OR6N1: variants seen among roughly 807,000 people sequenced by gnomAD.
The protein encoded by OR6N1 is olfactory receptor 6N1.
For missense variants in OR6N1, 394 were observed against 371.7 expected, an observed-to-expected ratio of 1.06 and a Z score of -0.49; for synonymous variants, 170 against 150.7, an observed-to-expected ratio of 1.13 and a Z score of -0.94.
At chr1:158,779,421 T>C in the OR6N1 span, among the ~76,000 whole-genome samples, 24 of 152,340 alleles carry the variant, frequency 1.6e-4, no homozygotes, top group African/African-American at 5.5e-4. Flanking sequence ...AAGATATTAA[T>C]AACCAAACGA....
At chr1:158,805,399 CTT>C in the OR6N1 span, among the ~76,000 whole-genome samples, 1 of 152,206 alleles carries the variant, frequency 6.6e-6, no homozygotes, top group Non-Finnish European at 1.5e-5. Context: ...ACTTCTCAAA[CTT>C]TTATTTTCAT....
the OR6N1 span, among the ~76,000 whole-genome samples, chr1:158,833,350 T>C: frequency 6.6e-6 from 1 of 152,290 alleles, no homozygotes; most frequent in South Asian, 2.1e-4. Flanking sequence ...TAACATAAAA[T>C]GTGTCATCTT....
intron 1 of OR6N1, among the ~76,000 whole-genome samples, chr1:158,768,434 TC>T (rs903579305): frequency 1.3e-5 from 2 of 152,176 alleles, no homozygotes; most frequent in African/African-American, 4.8e-5. Flanking sequence ...CCTGCAGTCA[TC>T]CTTGTTTCTA....
At chr1:158,821,319 C>T in the OR6N1 span, among the ~76,000 whole-genome samples, 1 of 152,278 alleles carries the variant, frequency 6.6e-6, no homozygotes, top group South Asian at 2.1e-4. Context: ...TACTGACACA[C>T]TTTTACTACC....
At position 158,766,156 on chromosome 1, in the gene OR6N1, TG is replaced by T. The variant is rs753482869; in HGVS notation, c.526del (p.His176ThrfsTer10). ...LPFCGPNRIQHVFCDFPPVLS... is the reference protein window; with the variant it reads ...LPFCGPNRIQXVFCDFPPVLS... The stretch of plus-strand genomic sequence containing the variant: ...CACAGGAGGGAAGTCACAAAAGACG[TG>T]CTGAATGCGATTGGGGCCACAGAAT... On this transcript the variant is annotated frameshift_variant, in exon 2 of 2. Coordinates refer to ENST00000641846, the MANE Select transcript of OR6N1 (RefSeq NM_001005185.2). LOFTEE classifies it low-confidence loss of function (END_TRUNC). The T allele has an allele frequency of 1.2e-6, 2 of 1,614,136 alleles. No homozygotes were observed. The highest frequency in any genetic ancestry group is 4.5e-5 in the East Asian group (2 of 44,866).
the OR6N1 span, among the ~76,000 whole-genome samples, chr1:158,819,819 C>A: frequency 6.6e-6 from 1 of 152,180 alleles, no homozygotes. Context: ...ACCACAAGCA[C>A]AATTTTCAGT....
chr1:158,774,722 A>G (rs1657538963), upstream of OR6N1: 1 of 150,586 alleles, frequency 6.6e-6, no homozygotes. Flanking sequence ...AAAAAAAAAA[A>G]TACAGATCCA....
chr1:158,824,463 T>C, the OR6N1 span, among the ~76,000 whole-genome samples: 1 of 152,212 alleles, frequency 6.6e-6, no homozygotes, highest in Non-Finnish European at 1.5e-5. Flanking sequence ...TTGAATTTGC[T>C]GAGGATTGTT....
chr1:158,798,501 A>G, the OR6N1 span, among the ~76,000 whole-genome samples: 1 of 151,826 alleles, frequency 6.6e-6, no homozygotes, highest in Admixed American at 6.6e-5. Context: ...TATTTTCTTT[A>G]AATATCAAAC....
chr1:158,793,462 C>T, the OR6N1 span, among the ~76,000 whole-genome samples: 1 of 151,920 alleles, frequency 6.6e-6, no homozygotes, highest in African/African-American at 2.4e-5. Flanking sequence ...TTTATATTTT[C>T]CCCTTTAGGA....
chr1:158,820,529 C>T, the OR6N1 span, among the ~76,000 whole-genome samples: 1 of 152,152 alleles, frequency 6.6e-6, no homozygotes, highest in African/African-American at 2.4e-5. Context: ...GAAATAAAAT[C>T]CAAATTTGTT....
At chr1:158,783,123 CT>C in the OR6N1 span, among the ~76,000 whole-genome samples, 2 of 152,190 alleles carry the variant, frequency 1.3e-5, no homozygotes, top group African/African-American at 4.8e-5. Context: ...CGAAATCCAT[CT>C]CCTTGTCACT....
the OR6N1 span, among the ~76,000 whole-genome samples, chr1:158,833,029 A>C: frequency 6.6e-6 from 1 of 152,150 alleles, no homozygotes; most frequent in African/African-American, 2.4e-5. Flanking sequence ...CCTTAAAGAC[A>C]AGCCCCTTAG....
At chr1:158,773,298 T>A (rs1276258596), upstream of OR6N1, among the ~76,000 whole-genome samples, 1 of 152,160 alleles carries the variant, frequency 6.6e-6, no homozygotes, top group Admixed American at 6.5e-5. Flanking sequence ...ATACGTAGAG[T>A]TTAAGTAATA....
chr1:158,782,962 C>T, the OR6N1 span, among the ~76,000 whole-genome samples: 3 of 152,184 alleles, frequency 2.0e-5, no homozygotes, highest in African/African-American at 7.2e-5. Flanking sequence ...GATTCATAAA[C>T]TTTAAGTCTG....
the OR6N1 span, among the ~76,000 whole-genome samples, chr1:158,796,968 A>G: frequency 6.6e-6 from 1 of 151,448 alleles, no homozygotes; most frequent in African/African-American, 2.4e-5. Flanking sequence ...AGGTGTTCAG[A>G]GTGCTGCCTG....
the OR6N1 span, among the ~76,000 whole-genome samples, chr1:158,781,872 A>G: frequency 6.6e-6 from 1 of 152,242 alleles, no homozygotes. Context: ...CAGTCTTCAC[A>G]ATTACTCTGT....
the OR6N1 span, among the ~76,000 whole-genome samples, chr1:158,819,052 A>T: frequency 2.0e-5 from 3 of 152,234 alleles, no homozygotes; most frequent in Admixed American, 6.5e-5. Flanking sequence ...GCAAGGGAAC[A>T]GTTCCCAGGA....
the OR6N1 span, among the ~76,000 whole-genome samples, chr1:158,820,719 T>C: frequency 6.6e-6 from 1 of 152,206 alleles, no homozygotes; most frequent in African/African-American, 2.4e-5. Context: ...CAATTACTTA[T>C]AGACCAAACT....
Sources: allele counts gnomAD v4.1 joint callset (sites outside exome capture counted in the v4.1 genomes callset), GRCh38; gene constraint gnomAD v4.1.1; transcripts MANE v1.5; gene names NCBI Gene and HGNC (gene_info 2026-07-23, HGNC 2026-07-21).